Variants in ROBO1 observed in about 807,000 individuals in gnomAD.
The protein encoded by ROBO1 is roundabout guidance receptor 1, also known as roundabout homolog 1.
Under a neutral mutation model 195.9 loss-of-function variants are expected in ROBO1, and 149 were observed. The ratio of observed to expected loss-of-function variants is 0.76; its 90% confidence interval spans 0.67 to 0.87. The LOEUF is 0.87. Ranked by LOEUF, ROBO1 falls within the 40% of genes least tolerant of loss-of-function variation. The pLI is 0.00. For missense variants in ROBO1, 1,933 were observed against 2,068.3 expected (o/e 0.93, Z 1.27); for synonymous variants, 816 against 733.2 (o/e 1.11, Z -1.82).
intron 1 of ROBO1, among the ~76,000 whole-genome samples, chr3:79,704,319 C>G (rs1322144249): frequency 6.6e-6 from 1 of 151,900 alleles, no homozygotes; most frequent in African/African-American, 2.4e-5. Flanking sequence ...TTTCACTGCC[C>G]TAAGAACCCC....
chr3:79,155,068 C>T (rs1169161379), intron 2 of ROBO1, among the ~76,000 whole-genome samples: 1 of 151,804 alleles, frequency 6.6e-6, no homozygotes, highest in African/African-American at 2.4e-5. Flanking sequence ...GACACATTGA[C>T]TCCTATTGCC....
intron 1 of ROBO1, among the ~76,000 whole-genome samples, chr3:79,629,525 C>T (rs939728673): frequency 6.6e-6 from 1 of 151,888 alleles, no homozygotes; most frequent in African/African-American, 2.4e-5. Context: ...GCATTAAATG[C>T]CTACATCAAA....
At chr3:78,623,707 T>C (rs1704586462) in intron 26 of ROBO1, among the ~76,000 whole-genome samples, 1 of 152,144 alleles carries the variant, frequency 6.6e-6, no homozygotes, top group African/African-American at 2.4e-5. Context: ...GTAATGCAGG[T>C]GAGAGAAAAC....
At chr3:79,264,691 T>C (rs2083003636) in intron 2 of ROBO1, among the ~76,000 whole-genome samples, 2 of 152,092 alleles carry the variant, frequency 1.3e-5, no homozygotes, top group East Asian at 1.9e-4. Flanking sequence ...AGCATAGTTA[T>C]AGACCCGTAA....
intron 2 of ROBO1, among the ~76,000 whole-genome samples, chr3:79,284,700 T>C (rs2031774869): frequency 1.3e-5 from 2 of 152,150 alleles, no homozygotes; most frequent in Admixed American, 1.3e-4. Flanking sequence ...AATATCAAGG[T>C]AAATGGAAAA....
chr3:79,118,101 C>G (rs1237610752), intron 3 of ROBO1, among the ~76,000 whole-genome samples: 1 of 152,158 alleles, frequency 6.6e-6, no homozygotes, highest in Non-Finnish European at 1.5e-5. Context: ...TCGGCATGTA[C>G]TACTTTGAAG....
intron 2 of ROBO1, among the ~76,000 whole-genome samples, chr3:79,404,183 C>T (rs1329930085): frequency 6.6e-6 from 1 of 152,020 alleles, no homozygotes; most frequent in Non-Finnish European, 1.5e-5. Context: ...ACACTTTCTC[C>T]TGGTTCCCAG....
chr3:79,308,096 G>C (rs2033305981), intron 2 of ROBO1, among the ~76,000 whole-genome samples: 3 of 152,092 alleles, frequency 2.0e-5, no homozygotes, highest in Admixed American at 2.0e-4. Flanking sequence ...GGTTACAAGA[G>C]CAACAAATGT....
In ROBO1 at chr3:78,839,337, T is replaced by C. The variant is rs781470100; in HGVS notation, c.500-92437A>G. 9.2e-5 allele frequency among the ~76,000 whole-genome samples: 14 copies of C among 152,200 alleles called. 1 individual carries two copies. Among genetic ancestry groups the C allele is most frequent in the Non-Finnish European group, 1.6e-4 (11 of 67,996 alleles). Reference sequence around the variant, plus strand: ...TGTAATGATGTATAATAATGTATGATGTAATGATGTATAGTGATGATAGGT... The same window carrying C: ...TGTAATGATGTATAATAATGTATGACGTAATGATGTATAGTGATGATAGGT... On this transcript the variant is annotated intron_variant, in intron 4 of 30. Transcript: ENST00000464233.
intron 2 of ROBO1, among the ~76,000 whole-genome samples, chr3:79,296,161 G>A (rs897017346): frequency 6.6e-6 from 1 of 152,050 alleles, no homozygotes; most frequent in Non-Finnish European, 1.5e-5. Context: ...ATGGGGAAAC[G>A]TCCCTCTTAT....
At chr3:79,319,542 A>G (rs912132485) in intron 2 of ROBO1, among the ~76,000 whole-genome samples, 1 of 152,188 alleles carries the variant, frequency 6.6e-6, no homozygotes. Flanking sequence ...GATATAATTA[A>G]TGCATTAAAA....
intron 2 of ROBO1, among the ~76,000 whole-genome samples, chr3:79,565,252 C>G (rs1367034489): frequency 6.6e-6 from 1 of 151,650 alleles, no homozygotes; most frequent in Non-Finnish European, 1.5e-5. Flanking sequence ...ACAGTCTTAA[C>G]CATCAGACAG....
chr3:79,562,210 CTT>C (rs1309517617), intron 2 of ROBO1, among the ~76,000 whole-genome samples: 2 of 138,582 alleles, frequency 1.4e-5, no homozygotes, highest in Admixed American at 1.4e-4. Context: ...AAAGATATCA[CTT>C]AACACTAAAT....
chr3:79,703,621 T>C (rs1218176362), intron 1 of ROBO1, among the ~76,000 whole-genome samples: 1 of 151,924 alleles, frequency 6.6e-6, no homozygotes, highest in East Asian at 1.9e-4. Context: ...CATGTCTCCA[T>C]TTTTACTTAT....
chr3:79,536,208 A>G (rs542367659), intron 2 of ROBO1, among the ~76,000 whole-genome samples: 1 of 152,128 alleles, frequency 6.6e-6, no homozygotes, highest in African/African-American at 2.4e-5. Context: ...TATATCCCAG[A>G]TATCTTTCCA....
At chr3:79,550,195 G>GAAAGAAAGAAAGGAAAAGAAAA in intron 2 of ROBO1, among the ~76,000 whole-genome samples, 5 of 100,812 alleles carry the variant, frequency 5.0e-5, no homozygotes, top group African/African-American at 2.3e-4. Context: ...AAGAAAGAAA[G>GAAAGAAAGAAAGGAAAAGAAAA]GAAAAGAAAA....
intron 8 of ROBO1, among the ~76,000 whole-genome samples, chr3:78,689,589 TAA>T (rs1314523051): frequency 2.0e-5 from 3 of 152,086 alleles, no homozygotes; most frequent in African/African-American, 7.2e-5. Flanking sequence ...GCACAGAATG[TAA>T]GTCTTTTTAC....
intron 10 of ROBO1, among the ~76,000 whole-genome samples, chr3:78,679,913 G>A (rs1446928769): frequency 5.3e-5 from 8 of 151,806 alleles, no homozygotes; most frequent in Admixed American, 6.6e-5. Context: ...GAGGCATCAC[G>A]CTACCTGACT....
intron 3 of ROBO1, among the ~76,000 whole-genome samples, chr3:78,986,781 G>A (rs4680948): frequency 0.96 from 146,081 of 152,128 alleles, 70,273 homozygotes; most frequent in East Asian, 1. Flanking sequence ...GGGGTTGACG[G>A]GGGAAAAAAG....
Sources: gnomAD v4.1 joint callset for allele counts (sites outside exome capture counted in the v4.1 genomes callset) on GRCh38, gnomAD v4.1.1 for gene constraint, MANE v1.5 for transcripts, NCBI Gene and HGNC (gene_info 2026-07-23, HGNC 2026-07-21) for gene names.